DDAH1: variants seen among roughly 807,000 people sequenced by gnomAD.
DDAH1 encodes the protein N(G),N(G)-dimethylarginine dimethylaminohydrolase 1.
Under a neutral mutation model 28.8 loss-of-function variants are expected in DDAH1, and 19 were observed. The observed-to-expected ratio is 0.66, with a 90% confidence interval of 0.46 to 0.97. DDAH1 has a LOEUF of 0.97. Among genes scored for constraint, DDAH1 ranks in the 50% least tolerant of loss-of-function variants. The probability of loss-of-function intolerance (pLI) is 0.00; values close to 1 mark genes in which losing one functional copy is unlikely to be tolerated. For synonymous variants in DDAH1, 153 were observed against 154.4 expected (o/e 0.99, Z 0.07); for missense variants, 326 against 375.9 (o/e 0.87, Z 1.10).
At chr1:85,528,891 T>C (rs1340546265) in intron 1 of DDAH1, among the ~76,000 whole-genome samples, 2 of 150,996 alleles carry the variant, frequency 1.3e-5, no homozygotes, top group African/African-American at 4.9e-5. Flanking sequence ...GGAGAATCGC[T>C]TGAACCCCGG....
intron 4 of DDAH1, among the ~76,000 whole-genome samples, chr1:85,347,419 T>C (rs562225093): frequency 7.1e-4 from 108 of 152,306 alleles, no homozygotes; most frequent in African/African-American, 2.3e-3. Context: ...ATATACACCA[T>C]GGAATACTAT....
At chr1:85,392,227 G>A (rs549346786) in intron 1 of DDAH1, among the ~76,000 whole-genome samples, 9 of 152,136 alleles carry the variant, frequency 5.9e-5, no homozygotes, top group African/African-American at 1.9e-4. Context: ...TCTAGGCCTC[G>A]TTCCTTGGCT....
At chr1:85,405,190 T>C (rs1479411034) in intron 1 of DDAH1, among the ~76,000 whole-genome samples, 1 of 152,196 alleles carries the variant, frequency 6.6e-6, no homozygotes, top group African/African-American at 2.4e-5. Context: ...TTCAGTTTAA[T>C]TCAATAAATT....
chr1:85,484,008 C>G (rs1158262901), intron 2 of DDAH1, among the ~76,000 whole-genome samples: 2 of 151,922 alleles, frequency 1.3e-5, no homozygotes, highest in Admixed American at 6.6e-5. Context: ...TGTTATAAAC[C>G]CAGTTTGCAA....
At chr1:85,436,235 AAT>A (rs909103954) in intron 1 of DDAH1, among the ~76,000 whole-genome samples, 9 of 151,706 alleles carry the variant, frequency 5.9e-5, no homozygotes, top group South Asian at 2.1e-4. Flanking sequence ...TAATTTAAAA[AAT>A]TTTTTTTTCC....
chr1:85,457,441 C>T (rs1654938101), intron 1 of DDAH1, among the ~76,000 whole-genome samples: 1 of 152,088 alleles, frequency 6.6e-6, no homozygotes, highest in African/African-American at 2.4e-5. Context: ...ACTGATCTGC[C>T]TCCCTCTCTG....
chr1:85,532,929 C>T (rs187201690), intron 1 of DDAH1, among the ~76,000 whole-genome samples: 1 of 152,312 alleles, frequency 6.6e-6, no homozygotes, highest in Admixed American at 6.5e-5. Flanking sequence ...AGATGATACG[C>T]TGGTTTGGCA....
At chr1:85,418,045 T>C (rs1177619307) in intron 1 of DDAH1, among the ~76,000 whole-genome samples, 1 of 152,232 alleles carries the variant, frequency 6.6e-6, no homozygotes, top group African/African-American at 2.4e-5. Context: ...AGGATGGGCA[T>C]AATGACCAAA....
At position 85,465,134 on chromosome 1, in the gene DDAH1, G is replaced by GGC; in HGVS notation, c.-91_-90dup. On this transcript the variant is annotated 5_prime_UTR_variant, in exon 1 of 6. Coordinates refer to ENST00000284031, the MANE Select transcript of DDAH1 (RefSeq NM_012137.4). ...CGCGCTGAGCCTGCGAGCGCCCGTC[G>GGC]GCTCCTCTTGGCAGCCGCTGAATGT... The GGC allele has an allele frequency of 8.6e-7, 1 of 1,167,066 alleles. No homozygotes were observed. 72.3% of individuals were successfully genotyped at this position (1,167,066 alleles called of 1,614,324 possible). A position where few individuals can be genotyped will look rare whatever the true frequency, so the allele number is the denominator to read the frequency against.
intron 1 of DDAH1, among the ~76,000 whole-genome samples, chr1:85,419,521 C>G (rs982569028): frequency 2.0e-5 from 2 of 101,412 alleles, no homozygotes; most frequent in Non-Finnish European, 3.6e-5. Context: ...GCCTGGACGA[C>G]AAGAGTGAAA....
chr1:85,426,668 G>T (rs895848822), intron 1 of DDAH1, among the ~76,000 whole-genome samples: 4 of 152,122 alleles, frequency 2.6e-5, no homozygotes, highest in Admixed American at 6.5e-5. Flanking sequence ...AACAGTTTGG[G>T]AGGTCGAGGT....
In DDAH1 at chr1:85,463,663, G is replaced by C. The variant is rs1004940465; in HGVS notation, c.303+1080C>G. On this transcript the variant is annotated intron_variant, in intron 1 of 5. Coordinates refer to ENST00000284031, the MANE Select transcript of DDAH1 (RefSeq NM_012137.4). ...ATTCCATCAACCAAGTAGTGGAGCA[G>C]GTGAGGAATAAGCATATTTTATCAT... 3.3e-5 allele frequency among the ~76,000 whole-genome samples: 5 copies of C among 152,180 alleles called. No individual in the cohort carries two copies. In the East Asian group the frequency reaches 5.8e-4, roughly 18 times the overall value.
At chr1:85,462,131 G>A (rs911697699) in intron 1 of DDAH1, among the ~76,000 whole-genome samples, 4 of 152,178 alleles carry the variant, frequency 2.6e-5, no homozygotes, top group Non-Finnish European at 4.4e-5. Context: ...TAATAATAGT[G>A]ATAACAGTAA....
intron 3 of DDAH1, among the ~76,000 whole-genome samples, chr1:85,351,248 T>C (rs899201863): frequency 1.2e-4 from 18 of 152,108 alleles, no homozygotes; most frequent in African/African-American, 4.3e-4. Context: ...TGCCAGGTGG[T>C]TGTATAATTA....
At chr1:85,563,732 CAT>C (rs1395870846) in intron 1 of DDAH1, among the ~76,000 whole-genome samples, 10 of 152,246 alleles carry the variant, frequency 6.6e-5, no homozygotes, top group Middle Eastern at 3.4e-3. Context: ...AAATGACACA[CAT>C]GATAGAATTA....
At chr1:85,449,643 C>T (rs1449488310) in intron 1 of DDAH1, among the ~76,000 whole-genome samples, 1 of 151,934 alleles carries the variant, frequency 6.6e-6, no homozygotes, top group African/African-American at 2.4e-5. Flanking sequence ...TTGTTTATTG[C>T]GGGTGAAGGA....
At chr1:85,571,254 A>G (rs546482944) in intron 1 of DDAH1, among the ~76,000 whole-genome samples, 24 of 152,172 alleles carry the variant, frequency 1.6e-4, no homozygotes, top group Non-Finnish European at 3.2e-4. Context: ...ATCTGTAATC[A>G]ATGCATTTTA....
intron 1 of DDAH1, among the ~76,000 whole-genome samples, chr1:85,570,801 G>T (rs554328746): frequency 6.6e-5 from 10 of 151,956 alleles, no homozygotes; most frequent in Non-Finnish European, 1.3e-4. Context: ...GTGGCTCAAA[G>T]ACTTCAAATC....
At chr1:85,499,403 G>A (rs894865131) in intron 1 of DDAH1, among the ~76,000 whole-genome samples, 12 of 152,226 alleles carry the variant, frequency 7.9e-5, no homozygotes, top group Non-Finnish European at 1.3e-4. Flanking sequence ...GGCCGGGTGC[G>A]GTGGCTGACG....
Sources: gnomAD v4.1 joint callset for allele counts (sites outside exome capture counted in the v4.1 genomes callset) on GRCh38, gnomAD v4.1.1 for gene constraint, MANE v1.5 for transcripts, NCBI Gene and HGNC (gene_info 2026-07-23, HGNC 2026-07-21) for gene names.